Variants in LMF1 observed in about 807,000 individuals in gnomAD.
LMF1 encodes lipase maturation factor 1, also known as transmembrane protein 112.
A neutral mutation model predicts 60.6 loss-of-function variants in LMF1; 68 were observed. The observed-to-expected ratio is 1.12, with a 90% CI of 0.92 to 1.37. The LOEUF is 1.37. LMF1 is among the 40% of genes most tolerant of loss of function. The pLI, the probability that LMF1 is intolerant of heterozygous loss-of-function variation, is 0.00. For missense variants in LMF1, 948 were observed against 767.2 expected (o/e 1.24, Z -2.78); for synonymous variants, 418 against 324.7 (o/e 1.29, Z -3.09).
At chr16:967,772 G>A (rs2072956286) in intron 1 of LMF1, among the ~76,000 whole-genome samples, 1 of 152,232 alleles carries the variant, frequency 6.6e-6, no homozygotes, top group Admixed American at 6.5e-5. Flanking sequence ...TGGCGTGAAT[G>A]AAGGGCAGGG....
At chr16:885,494 G>T (rs537974400) in intron 5 of LMF1, among the ~76,000 whole-genome samples, 1 of 152,134 alleles carries the variant, frequency 6.6e-6, no homozygotes, top group Non-Finnish European at 1.5e-5. Flanking sequence ...AGCTCTAAGA[G>T]ATCCGCTTCA....
intron 1 of LMF1, chr16:981,038 G>A (rs2073342728): frequency 2.3e-5 from 5 of 218,200 alleles, no homozygotes; most frequent in South Asian, 2.1e-4. Flanking sequence ...CCAGCTGGCC[G>A]GCCCCCGGGA....
At position 853,656 on chromosome 16, in the gene LMF1, G is replaced by A; in HGVS notation, c.*876C>T. ...GTGTTTTCGAGTAAGCTGGTAAGTG[G>A]TATAATAGGAATAGTAGAAGAATAT... is the stretch of plus-strand genomic sequence containing the variant. On this transcript the variant is annotated 3_prime_UTR_variant, in exon 11 of 11. Coordinates refer to ENST00000262301, the MANE Select transcript of LMF1 (RefSeq NM_022773.4). 2.2e-6 allele frequency: 1 copy of A among 453,050 alleles called. No individual in the cohort carries two copies. The highest frequency in any genetic ancestry group is 4.4e-6 in the Non-Finnish European group (1 of 225,862). The allele number at this position is 453,050 out of a possible 1,614,324, so 28.1% of individuals were successfully genotyped here.
intron 6 of LMF1, chr16:871,758 G>C: frequency 5.8e-6 from 1 of 172,956 alleles, no homozygotes; most frequent in Non-Finnish European, 1.2e-5. Flanking sequence ...GGGTACTGGG[G>C]ACGCCCCTCA....
At chr16:954,234 T>A in intron 2 of LMF1, 123 bp downstream of exon 2, 1 of 1,047,032 alleles carries the variant, frequency 9.6e-7, no homozygotes, top group Non-Finnish European at 1.4e-6. Context: ...AAAATGACAA[T>A]ACCCTCCTGA....
chr16:981,437 G>C (rs117757833), upstream of LMF1: 3 of 300,800 alleles, frequency 1.0e-5, no homozygotes, highest in South Asian at 4.7e-5. Flanking sequence ...GCGTCAGGAC[G>C]GGGGGCGGAC....
intron 6 of LMF1, chr16:872,092 A>G (rs2069813530): frequency 6.6e-6 from 1 of 152,216 alleles, no homozygotes; most frequent in African/African-American, 2.4e-5. Context: ...CCGTCGGGTG[A>G]TATCACAGGT....
At chr16:967,437 C>T (rs949715564) in intron 1 of LMF1, among the ~76,000 whole-genome samples, 1 of 152,206 alleles carries the variant, frequency 6.6e-6, no homozygotes. Flanking sequence ...CTCTTGGGTT[C>T]GGTTTCCTTA....
chr16:887,295 G>A (rs895675961), intron 5 of LMF1, among the ~76,000 whole-genome samples: 2 of 152,238 alleles, frequency 1.3e-5, no homozygotes, highest in African/African-American at 4.8e-5. Flanking sequence ...CAGCCGCTGT[G>A]CTCTGTGTGA....
intron 2 of LMF1, chr16:954,108 A>G: frequency 1.6e-6 from 1 of 613,088 alleles, no homozygotes; most frequent in Middle Eastern, 3.6e-4. Flanking sequence ...GGCTCCAGTA[A>G]GCTGGCAACG....
In LMF1 at chr16:950,740, GACGACAGAGTCAGAGCCA is replaced by G. The variant is rs1317166802; in HGVS notation, c.503+3599_503+3616del. On this transcript the variant is annotated intron_variant, in intron 2 of 10. Coordinates refer to ENST00000262301, the MANE Select transcript of LMF1 (RefSeq NM_022773.4). ...AGTCAGAGCCAACGACAGAGTCAGA[GACGACAGAGTCAGAGCCA>G]ACGACAGAGTCAGAGCCAACGACAG... 4.4e-5 allele frequency among the ~76,000 whole-genome samples: 4 copies of G among 90,480 alleles called. 1 individual carries two copies. The highest frequency in any genetic ancestry group is 7.8e-5 in the Non-Finnish European group (4 of 51,386). The allele number at this position is 90,480 out of a possible 152,430, so 59.4% of individuals were successfully genotyped here.
intron 6 of LMF1, 154 bp from the exon 7 acceptor site, chr16:871,495 G>T: frequency 2.7e-6 from 2 of 743,182 alleles, no homozygotes; most frequent in Non-Finnish European, 2.2e-6. Context: ...CTGAAACCCA[G>T]CTGTGCCTTC....
chr16:860,049 A>G (rs923133330), intron 10 of LMF1, among the ~76,000 whole-genome samples: 1 of 148,190 alleles, frequency 6.7e-6, no homozygotes, highest in South Asian at 2.1e-4. Context: ...TCATCTGTGC[A>G]CCTTCTTTGG....
At chr16:975,784 C>A (rs1428587506), upstream of LMF1, 1 of 453,128 alleles carries the variant, frequency 2.2e-6, no homozygotes, top group Admixed American at 2.4e-5. Context: ...GGTGTGTTTT[C>A]ATTTGCCTTT....
At chr16:859,139 ACGGGACGGGTGTGCAGTGGTGTCT>A (rs2069331608) in intron 10 of LMF1, among the ~76,000 whole-genome samples, 7 of 106,342 alleles carry the variant, frequency 6.6e-5, no homozygotes, top group Admixed American at 1.0e-4. Context: ...CACTGATGTC[ACGGGACGGGTGTGCAGTGGTGTCT>A]CGGGACGGGT....
rs529936471 is a variant in LMF1 at position 907,710 on chromosome 16, G to A, written c.663+3221C>T. On this transcript the variant is annotated intron_variant, in intron 4 of 10. Transcript: ENST00000262301. ...AAGGGGTGTGCGTGCCTTCCTAGCC[G>A]GCTCTGTCCACAGGGTGGTTCATCA... 1.2e-3 allele frequency among the ~76,000 whole-genome samples: 184 copies of A among 152,268 alleles called. 1 individual carries two copies. Among genetic ancestry groups the A allele is most frequent in the Non-Finnish European group, 2.3e-3 (156 of 68,016 alleles).
At chr16:959,068 C>T (rs1490371025) in intron 1 of LMF1, among the ~76,000 whole-genome samples, 1 of 152,178 alleles carries the variant, frequency 6.6e-6, no homozygotes, top group Non-Finnish European at 1.5e-5. Flanking sequence ...TCAGCTACTG[C>T]ACCTCTCAGG....
At chr16:934,617 G>T in intron 2 of LMF1, 1 of 325,972 alleles carries the variant, frequency 3.1e-6, no homozygotes, top group South Asian at 2.9e-5. Context: ...GACATCACAT[G>T]ACCTCGAGCG....
chr16:915,941 G>A (rs1211804904), intron 3 of LMF1, among the ~76,000 whole-genome samples: 1 of 152,104 alleles, frequency 6.6e-6, no homozygotes, highest in Non-Finnish European at 1.5e-5. Context: ...ACACCCAGGC[G>A]CTGCCTGGCC....
Sources: gnomAD v4.1 joint callset for allele counts (sites outside exome capture counted in the v4.1 genomes callset) on GRCh38, gnomAD v4.1.1 for gene constraint, MANE v1.5 for transcripts, NCBI Gene and HGNC (gene_info 2026-07-23, HGNC 2026-07-21) for gene names.